Variants in GRID2 observed in about 807,000 individuals in gnomAD.
GRID2 encodes glutamate ionotropic receptor delta type subunit 2.
GRID2 carries 33 observed loss-of-function variants against 114.8 expected under a neutral mutation model. The observed-to-expected ratio is 0.29, with a 90% CI of 0.22 to 0.38. GRID2 has a LOEUF of 0.38. Among genes scored for constraint, GRID2 ranks in the 10% least tolerant of loss-of-function variants. The pLI is 1.00. For synonymous variants in GRID2, 505 were observed against 449.9 expected (o/e 1.12, Z -1.55); for missense variants, 1,184 against 1,257.7 (o/e 0.94, Z 0.89).
chr4:93,369,951 G>A (rs1261332164), intron 8 of GRID2, among the ~76,000 whole-genome samples: 1 of 152,116 alleles, frequency 6.6e-6, no homozygotes, highest in Non-Finnish European at 1.5e-5. Context: ...TGCAGGTTAG[G>A]CTTCATACAG....
intron 1 of GRID2, among the ~76,000 whole-genome samples, chr4:92,460,032 C>CTCTATATATGTATA (rs749790235): frequency 2.1e-5 from 1 of 48,442 alleles, no homozygotes; most frequent in African/African-American, 1.0e-4. Context: ...ATAAATCTCA[C>CTCTATATATGTATA]TATATATATA....
At chr4:92,412,610 CCTA>C (rs1159685646) in intron 1 of GRID2, among the ~76,000 whole-genome samples, 2 of 151,962 alleles carry the variant, frequency 1.3e-5, no homozygotes, top group Admixed American at 6.5e-5. Flanking sequence ...CTCATTTTTT[CCTA>C]CTTTCACATT....
chr4:93,054,485 G>A (rs1156248834), intron 2 of GRID2, among the ~76,000 whole-genome samples: 2 of 151,788 alleles, frequency 1.3e-5, no homozygotes, highest in Non-Finnish European at 2.9e-5. Flanking sequence ...TACCATTTGT[G>A]TCCAGCCTGG....
Position 93,361,204 on chromosome 4 carries a change from T to TA in GRID2, c.1246-34402dup, listed in dbSNP as rs553170872. On this transcript the variant is annotated intron_variant, in intron 8 of 15. Transcript: ENST00000282020. ...GATTATCATCCCATTTACTGAGGGT[T>TA]ACAGTTGAGTGAAGCAGAGGGAATT... Among the ~76,000 whole-genome samples, 5 of 152,070 alleles carry TA rather than the reference T, an allele frequency of 3.3e-5. No homozygotes were observed. In the South Asian group the frequency reaches 1.0e-3, roughly 31 times the overall value.
intron 2 of GRID2, among the ~76,000 whole-genome samples, chr4:92,624,990 A>G (rs1730451001): frequency 6.6e-6 from 1 of 151,754 alleles, no homozygotes; most frequent in African/African-American, 2.4e-5. Flanking sequence ...TTTCAAGTTA[A>G]CTTAAATTTT....
At chr4:92,508,920 C>A (rs1376254186) in intron 1 of GRID2, among the ~76,000 whole-genome samples, 1 of 151,672 alleles carries the variant, frequency 6.6e-6, no homozygotes, top group African/African-American at 2.4e-5. Flanking sequence ...GTAGTTAGAT[C>A]CAGGATCCAT....
intron 2 of GRID2, among the ~76,000 whole-genome samples, chr4:93,002,271 A>G (rs567479770): frequency 2.0e-5 from 3 of 151,942 alleles, no homozygotes; most frequent in South Asian, 2.1e-4. Context: ...TAATTTTAGT[A>G]TACAAAACAA....
At chr4:92,950,488 C>A (rs922240741) in intron 2 of GRID2, among the ~76,000 whole-genome samples, 2 of 152,098 alleles carry the variant, frequency 1.3e-5, no homozygotes, top group Admixed American at 6.6e-5. Flanking sequence ...TTTTTTTAGT[C>A]CAACTTTGAT....
At chr4:92,882,478 C>T (rs917100297) in intron 2 of GRID2, among the ~76,000 whole-genome samples, 1 of 151,908 alleles carries the variant, frequency 6.6e-6, no homozygotes, top group African/African-American at 2.4e-5. Context: ...TGAGGCAATA[C>T]TGGATAGTCA....
At chr4:92,789,884 T>C (rs993957241) in intron 2 of GRID2, among the ~76,000 whole-genome samples, 28 of 151,978 alleles carry the variant, frequency 1.8e-4, no homozygotes, top group African/African-American at 6.0e-4. Flanking sequence ...AACAGTCTAA[T>C]TAGGAATTGT....
chr4:92,633,538 G>A (rs530587604), intron 2 of GRID2, among the ~76,000 whole-genome samples: 40 of 152,070 alleles, frequency 2.6e-4, no homozygotes, highest in South Asian at 6.2e-4. Context: ...TTATATATTC[G>A]TACCTTCTCT....
In GRID2 at chr4:93,626,336, C is replaced by T; in HGVS notation, c.2261C>T (p.Pro754Leu). The T allele has an allele frequency of 6.2e-7, 1 of 1,601,582 alleles. No individual in the cohort carries two copies. The highest frequency in any genetic ancestry group is 8.6e-7 in the Non-Finnish European group (1 of 1,168,914). The change falls in exon 14 of 16, where the codon CCA (proline) becomes CTA (leucine). Residue 754 changes from proline to leucine, a missense_variant. Transcript: ENST00000282020. The part of the protein sequence containing the change: ...AVLEYVAIND[P>L]DCSFYTIGNT... Reference sequence around the variant, plus strand: ...TTGGAATATGTGGCTATCAATGACCCAGATTGTTCCTTTTACACCATTGGA... The same window carrying T: ...TTGGAATATGTGGCTATCAATGACCTAGATTGTTCCTTTTACACCATTGGA...
rs572501883 is a variant in GRID2 at position 93,063,424 on chromosome 4, G to A, written c.245-21571G>A. On this transcript the variant is annotated intron_variant, in intron 2 of 15. Coordinates refer to ENST00000282020, the MANE Select transcript of GRID2 (RefSeq NM_001510.4). Reference sequence around the variant, plus strand: ...AATAAACTTTAGGAGTATTTACTCAGGGCAGCAAATCTGCAATTAATTTCT... The same window carrying A: ...AATAAACTTTAGGAGTATTTACTCAAGGCAGCAAATCTGCAATTAATTTCT... Among the ~76,000 whole-genome samples the A allele has an allele frequency of 1.7e-3, 254 of 151,868 alleles. 2 individuals are homozygous for A. The highest frequency in any genetic ancestry group is 3.5e-3 in the South Asian group (17 of 4,818).
At chr4:92,653,575 CTA>C (rs1017846685) in intron 2 of GRID2, among the ~76,000 whole-genome samples, 1 of 152,058 alleles carries the variant, frequency 6.6e-6, no homozygotes, top group East Asian at 1.9e-4. Flanking sequence ...TTGTGTTAAA[CTA>C]TGTCTTACTT....
chr4:93,591,326 G>T (rs1225575467), intron 13 of GRID2, among the ~76,000 whole-genome samples: 1 of 151,722 alleles, frequency 6.6e-6, no homozygotes. Flanking sequence ...TGTGGTTTTT[G>T]TCTTTGGCTC....
At position 92,411,655 on chromosome 4, in the gene GRID2, G is replaced by GTGTA; in HGVS notation, c.88+106912_88+106913insGTAT. Among the ~76,000 whole-genome samples the GTGTA allele has an allele frequency of 1.6e-3, 136 of 84,656 alleles. 1 individual carries two copies. The highest frequency in any genetic ancestry group is 5.3e-3 in the African/African-American group (91 of 17,082). The allele number at this position is 84,656 out of a possible 152,430, so 55.5% of individuals were successfully genotyped here. A position where few individuals can be genotyped will look rare whatever the true frequency, so the allele number is the denominator to read the frequency against. On this transcript the variant is annotated intron_variant, in intron 1 of 15. Coordinates refer to ENST00000282020, the MANE Select transcript of GRID2 (RefSeq NM_001510.4). Reference sequence around the variant, plus strand: ...TGTGTGTGTGTGTGTGTGTGTGTGTGTATATATATATATATATATATATGA... The same window carrying GTGTA: ...TGTGTGTGTGTGTGTGTGTGTGTGTGTGTATATATATATATATATATATATATGA...
At chr4:93,311,861 C>T (rs969933789) in intron 8 of GRID2, among the ~76,000 whole-genome samples, 7 of 151,808 alleles carry the variant, frequency 4.6e-5, no homozygotes, top group East Asian at 1.9e-4. Flanking sequence ...TTAGCGTGAG[C>T]GGTTTTGGTG....
At chr4:93,113,167 T>C (rs552718465) in intron 4 of GRID2, among the ~76,000 whole-genome samples, 4 of 152,314 alleles carry the variant, frequency 2.6e-5, no homozygotes, top group Admixed American at 6.5e-5. Flanking sequence ...GTCTTAACTA[T>C]GTTTTAACAC....
chr4:93,441,724 C>T (rs559660953), intron 10 of GRID2, among the ~76,000 whole-genome samples: 13 of 151,982 alleles, frequency 8.6e-5, no homozygotes, highest in South Asian at 8.3e-4. Flanking sequence ...AAGATAACTG[C>T]GGACTTACTC....
Sources: gnomAD v4.1 joint callset for allele counts (sites outside exome capture counted in the v4.1 genomes callset) on GRCh38, gnomAD v4.1.1 for gene constraint, MANE v1.5 for transcripts, NCBI Gene and HGNC (gene_info 2026-07-23, HGNC 2026-07-21) for gene names.